TOP6BL: variants seen among roughly 807,000 people sequenced by gnomAD.
TOP6BL encodes TOP6B like initiator of meiotic double strand breaks.
chr11:66,755,625 G>T, the TOP6BL span, among the ~76,000 whole-genome samples: 1 of 152,126 alleles, frequency 6.6e-6, no homozygotes, highest in Admixed American at 6.6e-5. Flanking sequence ...GCTCTCTAGG[G>T]CTGCTGTAAC....
the TOP6BL span, among the ~76,000 whole-genome samples, chr11:66,803,381 A>C: frequency 2.0e-5 from 3 of 152,300 alleles, no homozygotes; most frequent in East Asian, 5.8e-4. Flanking sequence ...CAGGAGTTTG[A>C]GACCAGCCTA....
the TOP6BL span, among the ~76,000 whole-genome samples, chr11:66,798,690 G>T: frequency 6.6e-6 from 1 of 151,924 alleles, no homozygotes; most frequent in African/African-American, 2.4e-5. Context: ...TGACAACCTG[G>T]AGCTGTGATA....
chr11:66,744,799 C>A, the TOP6BL span: 1 of 1,272,090 alleles, frequency 7.9e-7, no homozygotes, highest in Non-Finnish European at 9.9e-7. Context: ...TGGCGGAGTT[C>A]CAAGCCCGGG....
At chr11:66,752,067 C>T in the TOP6BL span, among the ~76,000 whole-genome samples, 1 of 151,878 alleles carries the variant, frequency 6.6e-6, no homozygotes, top group Admixed American at 6.6e-5. Context: ...TGGAATCTTC[C>T]CTTCATCATT....
At chr11:66,781,676 C>T in the TOP6BL span, among the ~76,000 whole-genome samples, 1 of 151,962 alleles carries the variant, frequency 6.6e-6, no homozygotes, top group African/African-American at 2.4e-5. Context: ...AGCTAGGACC[C>T]ACAGGCATGT....
chr11:66,761,797 A>G, the TOP6BL span: 1 of 808,642 alleles, frequency 1.2e-6, no homozygotes, highest in South Asian at 1.3e-5. Context: ...ACCAAAAGCT[A>G]ACTTCCCTGA....
At chr11:66,798,733 AAC>A in the TOP6BL span, among the ~76,000 whole-genome samples, 1 of 152,112 alleles carries the variant, frequency 6.6e-6, no homozygotes, top group Non-Finnish European at 1.5e-5. Flanking sequence ...TTAGAATTTA[AAC>A]ACAGGCAAGC....
At chr11:66,754,107 T>C in the TOP6BL span, among the ~76,000 whole-genome samples, 3 of 152,238 alleles carry the variant, frequency 2.0e-5, no homozygotes. Flanking sequence ...GGTATTTGTT[T>C]GCGAGCACCA....
the TOP6BL span, among the ~76,000 whole-genome samples, chr11:66,784,006 G>GT: frequency 9.9e-5 from 15 of 151,018 alleles, no homozygotes; most frequent in South Asian, 2.1e-4. Flanking sequence ...TTTTGTTTTT[G>GT]TTTTTTTTGG....
chr11:66,786,925 A>G, the TOP6BL span, among the ~76,000 whole-genome samples: 1 of 148,858 alleles, frequency 6.7e-6, no homozygotes, highest in African/African-American at 2.5e-5. Flanking sequence ...TGATAGCTAC[A>G]ATTTTTGTTT....
At chr11:66,813,474 C>T in the TOP6BL span, among the ~76,000 whole-genome samples, 8 of 152,134 alleles carry the variant, frequency 5.3e-5, no homozygotes, top group Non-Finnish European at 1.2e-4. Flanking sequence ...ATGGCTCACG[C>T]CTGTAATCCC....
At chr11:66,757,701 C>G in the TOP6BL span, among the ~76,000 whole-genome samples, 2 of 152,144 alleles carry the variant, frequency 1.3e-5, no homozygotes, top group Admixed American at 1.3e-4. Flanking sequence ...ATTCTCCTGC[C>G]TCAGTCTCCC....
chr11:66,834,349 ATT>A, the TOP6BL span, among the ~76,000 whole-genome samples: 95 of 152,326 alleles, frequency 6.2e-4, no homozygotes, highest in African/African-American at 2.2e-3. Context: ...GATCCAGGTC[ATT>A]GAGTAGAACC....
chr11:66,774,742 A>G, the TOP6BL span, among the ~76,000 whole-genome samples: 20 of 149,466 alleles, frequency 1.3e-4, no homozygotes, highest in Admixed American at 4.6e-4. Flanking sequence ...AAGTGCTGGG[A>G]TTACAGGCGT....
the TOP6BL span, chr11:66,756,530 A>G: frequency 2.0e-6 from 2 of 1,018,340 alleles, no homozygotes; most frequent in Non-Finnish European, 2.4e-6. Flanking sequence ...CACCTGCTCC[A>G]CATCCTATCC....
At chr11:66,796,158 CCTT>C in the TOP6BL span, 1 of 675,404 alleles carries the variant, frequency 1.5e-6, no homozygotes, top group South Asian at 2.0e-5. Context: ...AAGATGTCTC[CCTT>C]TGGTTGTCCA....
chr11:66,774,713 C>T, the TOP6BL span, among the ~76,000 whole-genome samples: 5 of 151,996 alleles, frequency 3.3e-5, no homozygotes, highest in Non-Finnish European at 5.9e-5. Flanking sequence ...CCTCGTGATC[C>T]GCCCGCCTTT....
At chr11:66,758,592 G>C in the TOP6BL span, among the ~76,000 whole-genome samples, 1 of 152,082 alleles carries the variant, frequency 6.6e-6, no homozygotes, top group African/African-American at 2.4e-5. Context: ...GGGATTGCAG[G>C]CGTGAGCCAC....
At chr11:66,842,750 G>A in the TOP6BL span, 4 of 1,206,148 alleles carry the variant, frequency 3.3e-6, no homozygotes, top group African/African-American at 4.7e-5. Flanking sequence ...GCGGTGGGAA[G>A]AGCCCCTCGG....
Sources: gnomAD v4.1 joint callset for allele counts (sites outside exome capture counted in the v4.1 genomes callset) on GRCh38, gnomAD v4.1.1 for gene constraint, MANE v1.5 for transcripts, NCBI Gene and HGNC (gene_info 2026-07-23, HGNC 2026-07-21) for gene names.